Variants in CAMK2A observed in about 807,000 individuals in gnomAD.
The protein encoded by CAMK2A is calcium/calmodulin dependent protein kinase II alpha.
Under a neutral mutation model 79.2 loss-of-function variants are expected in CAMK2A, and 7 were observed. The observed-to-expected ratio is 0.09, with a 90% CI of 0.05 to 0.17. The LOEUF is 0.17. CAMK2A is among the 10% of genes least tolerant of loss of function. CAMK2A has a pLI of 1.00. For synonymous variants in CAMK2A, 242 were observed against 251.7 expected (o/e 0.96, Z 0.36); for missense variants, 214 against 646.4 (o/e 0.33, Z 7.25).
Position 150,256,561 on chromosome 5 carries a change from T to C in CAMK2A, c.411+12A>G. 1 of 1,607,630 alleles carries C rather than the reference T, an allele frequency of 6.2e-7. No individual in the cohort carries two copies. ...CTCCCGGGGTGAGCCACACCCACGG[T>C]GGGTTGCTCACCTTCAGGTCCCGGT... On this transcript the variant is annotated intron_variant, in intron 6 of 18. Transcript: ENST00000671881. The surrounding 1 kb of genome is among the most constrained non-coding windows in gnomAD (Gnocchi z 4.6).
chr5:150,225,969 T>C (rs1754581193), intron 17 of CAMK2A, among the ~76,000 whole-genome samples: 1 of 152,184 alleles, frequency 6.6e-6, no homozygotes. Context: ...GGTCTTGAAC[T>C]CCTGACCTCA....
chr5:150,220,242 G>A lies in CAMK2A; in HGVS notation c.*2468C>T, dbSNP rs1203289348. On this transcript the variant is annotated 3_prime_UTR_variant, in exon 19 of 19. Transcript: ENST00000671881. ...GAACTTGCCCAAGGTCACACAGCAAGTCTGGTCAGAGCTGGGAATTGAAGC... is the reference window on the plus strand; with the variant it reads ...GAACTTGCCCAAGGTCACACAGCAAATCTGGTCAGAGCTGGGAATTGAAGC... 1.3e-5 allele frequency: 2 copies of A among 152,278 alleles called. No homozygotes were observed. The highest frequency in any genetic ancestry group is 4.8e-5 in the African/African-American group (2 of 41,452). 9.4% of individuals were successfully genotyped at this position (152,278 alleles called of 1,614,324 possible).
At position 150,260,446 on chromosome 5, in the gene CAMK2A, G is replaced by A. The variant is rs1051709100; in HGVS notation, c.218-2829C>T. ...TGCACTCCAGCCTGGGTGACAGGGT[G>A]AGAGTCCGTCTCAAAAAAAAAAAAA... On this transcript the variant is annotated intron_variant, in intron 3 of 18. Transcript: ENST00000671881. Among the ~76,000 whole-genome samples, 6 of 143,884 alleles carry A rather than the reference G, an allele frequency of 4.2e-5. No individual in the cohort carries two copies. In the Admixed American group the frequency reaches 4.3e-4, roughly 10 times the overall value. The allele number at this position is 143,884 out of a possible 152,430, so 94.4% of individuals were successfully genotyped here.
At chr5:150,243,340 C>T (rs1282321987) in intron 13 of CAMK2A, among the ~76,000 whole-genome samples, 1 of 152,152 alleles carries the variant, frequency 6.6e-6, no homozygotes, top group Non-Finnish European at 1.5e-5. Flanking sequence ...CTGCTTTCCC[C>T]AGGGCGCCCA....
At chr5:150,280,298 C>G (rs1757154581) in intron 1 of CAMK2A, among the ~76,000 whole-genome samples, 1 of 152,222 alleles carries the variant, frequency 6.6e-6, no homozygotes, top group South Asian at 2.1e-4. Flanking sequence ...CCACTCTGTT[C>G]TCCGTGGGGG....
chr5:150,282,458 G>A (rs1039802370), intron 1 of CAMK2A, among the ~76,000 whole-genome samples: 1 of 152,242 alleles, frequency 6.6e-6, no homozygotes, highest in African/African-American at 2.4e-5. Context: ...ATGCCAAGGG[G>A]TGACTTACTC....
At chr5:150,279,130 A>T (rs1228088656) in intron 1 of CAMK2A, among the ~76,000 whole-genome samples, 2 of 152,092 alleles carry the variant, frequency 1.3e-5, no homozygotes, top group Non-Finnish European at 2.9e-5. Flanking sequence ...ATTCAACAGA[A>T]CTTCCTGTGA....
At position 150,251,789 on chromosome 5, in the gene CAMK2A, C is replaced by T; in HGVS notation, c.654G>A (p.Gln218=). Residue 218 remains glutamine (Q), a synonymous_variant, in exon 9 of 19, where the codon CAG becomes CAA. Coordinates refer to ENST00000671881, the MANE Select transcript of CAMK2A (RefSeq NM_015981.4). ...CTTTGATCTGCTGGTACAGGCGGTG[C>T]TGGTCCTCATCCCAGAACGGGGGGT... is the stretch of plus-strand genomic sequence containing the variant. The part of the protein sequence containing the change: ...VGYPPFWDED[Q]HRLYQQIKAG... 6.2e-7 allele frequency: 1 copy of T among 1,609,808 alleles called. No individual in the cohort carries two copies. The highest frequency in any genetic ancestry group is 8.5e-7 in the Non-Finnish European group (1 of 1,177,826).
intron 3 of CAMK2A, among the ~76,000 whole-genome samples, chr5:150,260,458 C>CAAA (rs11374999): frequency 2.9e-4 from 33 of 115,470 alleles, no homozygotes; most frequent in African/African-American, 8.1e-4. Flanking sequence ...GAGTCCGTCT[C>CAAA]AAAAAAAAAA....
intron 11 of CAMK2A, among the ~76,000 whole-genome samples, chr5:150,248,170 C>T (rs1755655614): frequency 6.6e-6 from 1 of 152,116 alleles, no homozygotes; most frequent in Non-Finnish European, 1.5e-5. Context: ...TGGGCAACAA[C>T]AGCAGACCTC....
At chr5:150,285,973 C>T (rs538636387) in intron 1 of CAMK2A, among the ~76,000 whole-genome samples, 3 of 152,274 alleles carry the variant, frequency 2.0e-5, no homozygotes, top group East Asian at 3.9e-4. Flanking sequence ...CTGCTGCATC[C>T]GTGGCAACCC....
chr5:150,242,597 G>A (rs1755397260), intron 13 of CAMK2A, among the ~76,000 whole-genome samples: 1 of 152,144 alleles, frequency 6.6e-6, no homozygotes, highest in South Asian at 2.1e-4. Context: ...AGGCCCTTCT[G>A]GTGTGACCCT....
intron 1 of CAMK2A, among the ~76,000 whole-genome samples, chr5:150,274,989 A>G (rs1756891697): frequency 6.6e-6 from 1 of 152,270 alleles, no homozygotes; most frequent in Non-Finnish European, 1.5e-5. Flanking sequence ...CCTGCAGGCT[A>G]GCACAGATGC....
rs369600793 is a variant in CAMK2A, at chr5:150,238,690, C to G, written c.1066+10G>C. On this transcript the variant is annotated intron_variant, in intron 15 of 18. Coordinates refer to ENST00000671881, the MANE Select transcript of CAMK2A (RefSeq NM_015981.4). ...TCTAAGGGGTCCCGACACTGAAGGC[C>G]CCTCCCTACCTTTGGTGTCTTCATC... 2 of 1,602,002 alleles carry G rather than the reference C, an allele frequency of 1.2e-6. No individual in the cohort carries two copies. The highest frequency in any genetic ancestry group is 1.7e-6 in the Non-Finnish European group (2 of 1,172,990).
rs543466338 is a variant in CAMK2A at position 150,232,295 on chromosome 5, GGGTGGGGTGATGT to G, written c.1067-928_1067-916del. On this transcript the variant is annotated intron_variant, in intron 15 of 18. Coordinates refer to ENST00000671881, the MANE Select transcript of CAMK2A (RefSeq NM_015981.4). ...TAGTGTTCTCCGAGGGTTGTTATGA[GGGTGGGGTGATGT>G]GATGTACACAAAGCATTGGCCAAAG... Among the ~76,000 whole-genome samples the G allele has an allele frequency of 2.5e-3, 383 of 152,392 alleles. 1 individual carries two copies. The highest frequency in any genetic ancestry group is 4.1e-3 in the Non-Finnish European group (279 of 68,046).
At chr5:150,275,701 G>A (rs184075415) in intron 1 of CAMK2A, among the ~76,000 whole-genome samples, 2 of 152,276 alleles carry the variant, frequency 1.3e-5, no homozygotes, top group East Asian at 3.9e-4. Context: ...TATGATAAAG[G>A]GTACAGATGA....
intron 2 of CAMK2A, among the ~76,000 whole-genome samples, chr5:150,271,231 C>T (rs1359555751): frequency 6.6e-6 from 1 of 152,236 alleles, no homozygotes; most frequent in Admixed American, 6.5e-5. Context: ...AGTTCCCAGC[C>T]TTCCACAAGC....
chr5:150,248,670 A>C (rs1033144439), intron 11 of CAMK2A, among the ~76,000 whole-genome samples: 11 of 151,916 alleles, frequency 7.2e-5, no homozygotes, highest in Admixed American at 3.9e-4. Flanking sequence ...GGAACTCATC[A>C]TTTTTTATGG....
rs10535541 is a variant in CAMK2A at position 150,248,328 on chromosome 5, T to TTA, written c.901-516_901-515dup. ...TTTTTTTATTTCCAAGTTTTTTATT[T>TTA]TATATATATATATATATTATATAAT... On this transcript the variant is annotated intron_variant, in intron 11 of 18. Coordinates refer to ENST00000671881, the MANE Select transcript of CAMK2A (RefSeq NM_015981.4). Among the ~76,000 whole-genome samples the TTA allele has an allele frequency of 6.3e-3, 906 of 143,782 alleles. 8 individuals are homozygous for TTA. The highest frequency in any genetic ancestry group is 0.019 in the African/African-American group (763 of 39,158). The allele number at this position is 143,782 out of a possible 152,430, so 94.3% of individuals were successfully genotyped here.
Sources: allele counts gnomAD v4.1 joint callset (sites outside exome capture counted in the v4.1 genomes callset), GRCh38; gene constraint gnomAD v4.1.1; non-coding constraint Gnocchi (gnomAD v3.1); transcripts MANE v1.5; gene names NCBI Gene and HGNC (gene_info 2026-07-23, HGNC 2026-07-21).